ZC3H12B: variants seen among roughly 807,000 people sequenced by gnomAD.
ZC3H12B encodes probable ribonuclease ZC3H12B.
In ZC3H12B, 7 loss-of-function variants were observed where a neutral mutation model predicts 43.9. The ratio of observed to expected loss-of-function variants is 0.16; its 90% CI spans 0.09 to 0.30. The LOEUF (loss-of-function observed/expected upper bound fraction) is 0.30. Among genes scored for constraint, ZC3H12B ranks in the 10% least tolerant of loss-of-function variants. The pLI is 1.00. For synonymous variants in ZC3H12B, 222 were observed against 241.7 expected (o/e 0.92, Z 0.76); for missense variants, 475 against 670.2 (o/e 0.71, Z 3.22).
At chrX:65,382,017 A>G (rs1439717222) in intron 2 of ZC3H12B, among the ~76,000 whole-genome samples, 1 of 112,163 alleles carries the variant, frequency 8.9e-6, no homozygotes, top group Non-Finnish European at 1.9e-5. Flanking sequence ...CGATTCTACC[A>G]GAGGTACAAG....
At chrX:65,115,463 C>A in the ZC3H12B span, among the ~76,000 whole-genome samples, 4 of 111,254 alleles carry the variant, frequency 3.6e-5, no homozygotes, top group African/African-American at 1.3e-4. Context: ...GATTGTTGGG[C>A]ATTTGGACTG....
At chrX:65,329,075 G>A in the ZC3H12B span, among the ~76,000 whole-genome samples, 1 of 110,832 alleles carries the variant, frequency 9.0e-6, no homozygotes, top group Non-Finnish European at 1.9e-5. Flanking sequence ...GTAATGGGAT[G>A]GCTGGGTCAA....
chrX:65,162,768 G>A, the ZC3H12B span, among the ~76,000 whole-genome samples: 2 of 107,368 alleles, frequency 1.9e-5, no homozygotes, highest in Non-Finnish European at 3.8e-5. Flanking sequence ...CTCTCACCTC[G>A]TCAAAGTCAT....
At chrX:65,186,113 A>C in the ZC3H12B span, 1 of 111,728 alleles carries the variant, frequency 9.0e-6, no homozygotes, top group African/African-American at 3.2e-5. Context: ...GAGTTGGAGT[A>C]CCAAATTATT....
the ZC3H12B span, among the ~76,000 whole-genome samples, chrX:65,203,248 G>A: frequency 1.6e-4 from 18 of 112,101 alleles, no homozygotes; most frequent in Non-Finnish European, 3.0e-4. Flanking sequence ...TACCTAAGGC[G>A]TGAGACAAAG....
chrX:65,475,498 G>A lies in ZC3H12B; in HGVS notation n.408-13148G>A, dbSNP rs142748163. Reference sequence around the variant, plus strand: ...GTTCCTACTCTTTACTGGATTGCAAGATTTCTGTTGAGAAATCCACTGATA... The same window carrying A: ...GTTCCTACTCTTTACTGGATTGCAAAATTTCTGTTGAGAAATCCACTGATA... On this transcript the variant is annotated intron_variant and non_coding_transcript_variant, in intron 3 of 5. Transcript: ENST00000617377. Among the ~76,000 whole-genome samples the A allele has an allele frequency of 6.8e-3, 751 of 110,236 alleles. 10 individuals are homozygous for A. The highest frequency in any genetic ancestry group is 0.023 in the African/African-American group (703 of 30,302).
At chrX:65,233,729 AAAT>A in the ZC3H12B span, among the ~76,000 whole-genome samples, 1 of 111,206 alleles carries the variant, frequency 9.0e-6, no homozygotes, top group African/African-American at 3.3e-5. Context: ...TTAGTAGAAG[AAAT>A]AATAACATCA....
chrX:65,159,019 T>A, the ZC3H12B span, among the ~76,000 whole-genome samples: 1 of 112,098 alleles, frequency 8.9e-6, no homozygotes, highest in African/African-American at 3.2e-5. Context: ...GCACCATTTA[T>A]TAAATAGGGA....
chrX:65,477,148 T>C (rs2068003387), intron 3 of ZC3H12B, among the ~76,000 whole-genome samples: 1 of 109,762 alleles, frequency 9.1e-6, no homozygotes, highest in African/African-American at 3.3e-5. Context: ...TGGAATTCTT[T>C]GTTCATCCTC....
At chrX:65,039,232 C>G in the ZC3H12B span, among the ~76,000 whole-genome samples, 181 of 111,735 alleles carry the variant, frequency 1.6e-3, 2 homozygotes, top group East Asian at 0.024. Flanking sequence ...CTCTTGGTAT[C>G]GGAAAGTTCC....
the ZC3H12B span, among the ~76,000 whole-genome samples, chrX:65,094,034 C>T: frequency 1.8e-5 from 2 of 110,274 alleles, no homozygotes; most frequent in Non-Finnish European, 1.9e-5. Flanking sequence ...AGCACCATTC[C>T]TTTGGTGCTG....
the ZC3H12B span, among the ~76,000 whole-genome samples, chrX:65,126,092 T>C: frequency 3.7e-5 from 4 of 109,221 alleles, no homozygotes; most frequent in African/African-American, 1.3e-4. Flanking sequence ...GGTTCTGTTT[T>C]GGTATATTTT....
intron 3 of ZC3H12B, among the ~76,000 whole-genome samples, chrX:65,400,893 T>C (rs1246435823): frequency 8.9e-6 from 1 of 111,758 alleles, no homozygotes; most frequent in Non-Finnish European, 1.9e-5. Context: ...TAGGTAATCA[T>C]TTCAAGGCAG....
chrX:65,450,018 A>T (rs894138744), intron 3 of ZC3H12B, among the ~76,000 whole-genome samples: 1 of 110,797 alleles, frequency 9.0e-6, no homozygotes, highest in Non-Finnish European at 1.9e-5. Flanking sequence ...AAAAATATAT[A>T]TTTTTAGGCT....
chrX:65,488,620 G>T, upstream of ZC3H12B: 4 of 416,743 alleles, frequency 9.6e-6, no homozygotes, highest in South Asian at 7.8e-5. Context: ...TACTAAATAT[G>T]ATGTGGTATG....
chrX:65,451,877 A>T (rs2067518977), intron 3 of ZC3H12B, among the ~76,000 whole-genome samples: 1 of 111,749 alleles, frequency 8.9e-6, no homozygotes, highest in African/African-American at 3.3e-5. Context: ...GTTTCACTGG[A>T]GTACTGTAGG....
intron 3 of ZC3H12B, among the ~76,000 whole-genome samples, chrX:65,423,875 T>G (rs1211370836): frequency 1.2e-4 from 13 of 112,138 alleles, no homozygotes; most frequent in African/African-American, 4.2e-4. Context: ...CATTTGTCGA[T>G]TCTGGCTTTT....
chrX:65,343,778 C>T, the ZC3H12B span, among the ~76,000 whole-genome samples: 1 of 111,631 alleles, frequency 9.0e-6, no homozygotes, highest in Non-Finnish European at 1.9e-5. Context: ...ACAAGGATGC[C>T]CTCTGTCATC....
chrX:65,314,838 A>T, the ZC3H12B span, among the ~76,000 whole-genome samples: 1 of 110,957 alleles, frequency 9.0e-6, no homozygotes, highest in Non-Finnish European at 1.9e-5. Flanking sequence ...TAGACATAAG[A>T]TATATATCAA....
Sources: allele counts gnomAD v4.1 joint callset (sites outside exome capture counted in the v4.1 genomes callset), GRCh38; gene constraint gnomAD v4.1.1; transcripts MANE v1.5; gene names NCBI Gene and HGNC (gene_info 2026-07-23, HGNC 2026-07-21).